LPA: variants seen among roughly 807,000 people sequenced by gnomAD.
The protein encoded by LPA is apolipoprotein(a).
LPA carries 199 observed loss-of-function variants against 197.9 expected under a neutral mutation model. That is an observed-to-expected ratio of 1.01 (90% CI 0.90 to 1.13). LPA has a LOEUF of 1.13. Among genes scored for constraint, LPA ranks in the 50% most tolerant of loss-of-function variants. LPA has a pLI of 0.00. For synonymous variants in LPA, 715 were observed against 639.5 expected (o/e 1.12, Z -1.78); for missense variants, 1,853 against 1,785.8 (o/e 1.04, Z -0.68).
intron 33 of LPA, 27 bp from the exon 34 acceptor site, chr6:160,542,835 C>T (rs751830202): frequency 3.1e-6 from 5 of 1,613,374 alleles, no homozygotes; most frequent in Middle Eastern, 1.7e-4. Context: ...GAAAAGAAGT[C>T]GCATTTGAGT....
At position 160,647,551 on chromosome 6, in the gene LPA, CT is replaced by C. The variant is rs370782285; in HGVS notation, c.210-1157del. Among the ~76,000 whole-genome samples, 56 of 152,158 alleles carry C rather than the reference CT, an allele frequency of 3.7e-4. No homozygotes were observed. The East Asian group carries it at 6.4e-3, about 17-fold the overall frequency. On this transcript the variant is annotated intron_variant, in intron 2 of 38. Coordinates refer to ENST00000316300, the MANE Select transcript of LPA (RefSeq NM_005577.4). ...ACTAAGAGCCAGAGCTCTTTAAAGA[CT>C]TTTTTTTCTTCCTTGGCTTCCCTCT...
chr6:160,577,377 C>G, intron 27 of LPA, 82 bp from the exon 28 acceptor site: 5 of 1,305,566 alleles, frequency 3.8e-6, no homozygotes, highest in Non-Finnish European at 3.3e-6. Flanking sequence ...ACATACTGGA[C>G]AGTAGCCTCT....
At chr6:160,591,662 C>T (rs1779032502) in intron 22 of LPA, among the ~76,000 whole-genome samples, 1 of 152,194 alleles carries the variant, frequency 6.6e-6, no homozygotes, top group South Asian at 2.1e-4. Flanking sequence ...TGGCTCCTCT[C>T]CCCTGTTACT....
intron 16 of LPA, among the ~76,000 whole-genome samples, chr6:160,608,573 T>C (rs951186757): frequency 2.0e-5 from 3 of 152,160 alleles, no homozygotes; most frequent in Non-Finnish European, 4.4e-5. Flanking sequence ...CAAAAGTGCA[T>C]CATACCAGAT....
In LPA at chr6:160,591,014, G is replaced by C. The variant is rs372598471; in HGVS notation, c.3717C>G (p.Tyr1239Ter). 3 of 1,613,986 alleles carry C rather than the reference G, an allele frequency of 1.9e-6. No individual in the cohort carries two copies. The African/African-American group carries it at 4.0e-5, about 22-fold the overall frequency. The change falls in exon 23 of 39, where the codon TAC becomes TAG. Residue 1239 changes from tyrosine (Y) to a stop codon, truncating the protein, a stop_gained. Transcript: ENST00000316300. LOFTEE classifies it high-confidence loss of function. ...TCACTGGACATTGTGTCAGGTTGCA[G>C]TACTCCCATCTGACATTGGGATCCA... ...YTMDPNVRWEYCNLTQCPVTE... is the reference protein window; with the variant it reads ...YTMDPNVRWE
chr6:160,654,010 TATTATATATAA>T (rs1562354748), intron 1 of LPA, among the ~76,000 whole-genome samples: 348 of 19,296 alleles, frequency 0.018, 54 homozygotes, highest in Non-Finnish European at 0.022. Flanking sequence ...ATATAATATA[TATTATATATAA>T]TATATAATAT....
chr6:160,605,675 CA>C (rs1376728027), intron 17 of LPA, among the ~76,000 whole-genome samples: 1 of 152,120 alleles, frequency 6.6e-6, no homozygotes, highest in African/African-American at 2.4e-5. Flanking sequence ...CGTTTCATAA[CA>C]AAAGGCAAGG....
intron 28 of LPA, among the ~76,000 whole-genome samples, chr6:160,568,829 C>T (rs1778510551): frequency 1.3e-5 from 2 of 152,180 alleles, no homozygotes; most frequent in African/African-American, 2.4e-5. Context: ...CACAAGCATT[C>T]CCATACATGA....
chr6:160,606,424 G>T, intron 17 of LPA, 53 bp downstream of exon 17: 1 of 1,599,060 alleles, frequency 6.3e-7, no homozygotes. Context: ...GAATTTCCAT[G>T]GCTTTTCATC....
chr6:160,579,135 T>C (rs1311733285), intron 26 of LPA, among the ~76,000 whole-genome samples: 1 of 152,108 alleles, frequency 6.6e-6, no homozygotes, highest in Non-Finnish European at 1.5e-5. Flanking sequence ...TATAGTAATA[T>C]GTAAGTTGGA....
In LPA at chr6:160,542,738, C is replaced by A. The variant is rs201966517; in HGVS notation, c.5469G>T (p.Gly1823=). 13 of 1,613,444 alleles carry A rather than the reference C, an allele frequency of 8.1e-6. No individual in the cohort carries two copies. In the East Asian group the frequency reaches 2.0e-4, roughly 25 times the overall value. Residue 1823 remains glycine, a synonymous_variant, in exon 34 of 39, where the codon GGG becomes GGT. Coordinates refer to ENST00000316300, the MANE Select transcript of LPA (RefSeq NM_005577.4). The stretch of plus-strand genomic sequence containing the variant: ...GCCAGGAATGTGGGTGGGCCACACA[C>A]CCCCCTACAATGCTTCCAGGACATT... ...PKKCPGSIVG[G]CVAHPHSWPW... is the part of the protein sequence containing the mutation.
At position 160,554,336 on chromosome 6, in the gene LPA, T is replaced by A. The variant is rs549902676; in HGVS notation, c.4973+1689A>T. Among the ~76,000 whole-genome samples the A allele has an allele frequency of 3.9e-5, 6 of 152,344 alleles. No individual in the cohort carries two copies. In the East Asian group the frequency reaches 1.2e-3, roughly 29 times the overall value. The stretch of plus-strand genomic sequence containing the variant: ...TTTTCCTGCCTCATAAATTTTTAAA[T>A]GATGTCACTCCTTGTGAATGCAACA... On this transcript the variant is annotated intron_variant, in intron 30 of 38. Transcript: ENST00000316300.
chr6:160,563,214 AT>A (rs1778392372), intron 28 of LPA, among the ~76,000 whole-genome samples: 1 of 152,112 alleles, frequency 6.6e-6, no homozygotes, highest in Non-Finnish European at 1.5e-5. Flanking sequence ...AGTGCTATAA[AT>A]TTCCCTCTAA....
intron 28 of LPA, among the ~76,000 whole-genome samples, chr6:160,558,918 C>A (rs1286959498): frequency 6.6e-6 from 1 of 152,206 alleles, no homozygotes; most frequent in African/African-American, 2.4e-5. Context: ...TGCCTGTGAC[C>A]TAGTCTCCAG....
At chr6:160,598,495 T>C (rs1779173968) in intron 20 of LPA, among the ~76,000 whole-genome samples, 1 of 152,158 alleles carries the variant, frequency 6.6e-6, no homozygotes, top group South Asian at 2.1e-4. Flanking sequence ...GATCTCATTT[T>C]CTCCCTCTTG....
rs575764636 is a variant in LPA, at chr6:160,649,275, T to C, written c.209+1063A>G. Among the ~76,000 whole-genome samples the C allele has an allele frequency of 3.8e-4, 58 of 152,304 alleles. 2 individuals carry two copies. The South Asian group carries it at 0.012, about 30-fold the overall frequency. On this transcript the variant is annotated intron_variant, in intron 2 of 38. Transcript: ENST00000316300. ...ATCCCTTAGTGCTATTTGAGCTCTGTCATGTTTATTGAGCTCACTGTTCCA... is the reference window on the plus strand; with the variant it reads ...ATCCCTTAGTGCTATTTGAGCTCTGCCATGTTTATTGAGCTCACTGTTCCA...
intron 6 of LPA, among the ~76,000 whole-genome samples, chr6:160,635,519 A>G (rs1779799803): frequency 1.7e-5 from 2 of 117,138 alleles, no homozygotes; most frequent in African/African-American, 7.4e-5. Flanking sequence ...ATTTTTTTTA[A>G]ATAAAAAATC....
intron 10 of LPA, among the ~76,000 whole-genome samples, chr6:160,626,255 T>G (rs1165081212): frequency 7.2e-6 from 1 of 139,382 alleles, no homozygotes; most frequent in Non-Finnish European, 1.5e-5. Context: ...GATTCTGGTA[T>G]TTGTTTCTAT....
At chr6:160,663,993 CG>C (rs1780268070) in intron 1 of LPA, among the ~76,000 whole-genome samples, 172 bp downstream of exon 1, 1 of 150,862 alleles carries the variant, frequency 6.6e-6, no homozygotes, top group Admixed American at 6.6e-5. Flanking sequence ...ACAGTCTTCA[CG>C]GGGAAATTAA....
Sources: allele counts gnomAD v4.1 joint callset (sites outside exome capture counted in the v4.1 genomes callset), GRCh38; gene constraint gnomAD v4.1.1; transcripts MANE v1.5; gene names NCBI Gene and HGNC (gene_info 2026-07-23, HGNC 2026-07-21).